Variants in KCNH5 observed in about 807,000 individuals in gnomAD.
KCNH5 encodes potassium voltage-gated channel subfamily H member 5, also known as voltage-gated delayed rectifier potassium channel KCNH5.
Under a neutral mutation model 96.1 loss-of-function variants are expected in KCNH5, and 46 were observed. That is an observed-to-expected ratio of 0.48 (90% CI 0.38 to 0.61). The LOEUF (loss-of-function observed/expected upper bound fraction) is 0.61, where lower values mean the gene tolerates loss of function less well. Among genes scored for constraint, KCNH5 ranks in the 20% least tolerant of loss-of-function variants. The pLI, the probability that KCNH5 is intolerant of heterozygous loss-of-function variation, is 0.00. For missense variants in KCNH5, 907 were observed against 1,225.8 expected (o/e 0.74, Z 3.88); for synonymous variants, 439 against 449.8 (o/e 0.98, Z 0.30).
intron 7 of KCNH5, among the ~76,000 whole-genome samples, chr14:62,922,489 A>G (rs113532878): frequency 8.0e-4 from 122 of 152,134 alleles, no homozygotes; most frequent in African/African-American, 2.9e-3. Context: ...GCACATTTTC[A>G]ACATGTTAAG....
chr14:62,757,246 C>T (rs1885643019), intron 10 of KCNH5, among the ~76,000 whole-genome samples: 1 of 152,146 alleles, frequency 6.6e-6, no homozygotes, highest in Non-Finnish European at 1.5e-5. Flanking sequence ...ATGCAATATC[C>T]TATCACCCCA....
At position 63,006,397 on chromosome 14, in the gene KCNH5, G is replaced by A; in HGVS notation, c.273C>T (p.Asn91=). ...TCTTGTACAGAAGAACTTCAAAGCA[G>A]TTTGATTCGTAGTTGTCAAAAGTTT... ...VRQTFDNYES[N]CFEVLLYKKN... is the part of the protein sequence containing the mutation. Residue 91 remains asparagine, a synonymous_variant, in exon 3 of 11, where the codon AAC becomes AAT. Transcript: ENST00000322893. The A allele has an allele frequency of 6.2e-7, 1 of 1,612,094 alleles. No individual in the cohort carries two copies. The highest frequency in any genetic ancestry group is 8.5e-7 in the Non-Finnish European group (1 of 1,178,604).
Position 63,045,401 on chromosome 14 carries a change from T to C in KCNH5, c.-215A>G, listed in dbSNP as rs957323010. 11 of 565,516 alleles carry C rather than the reference T, an allele frequency of 1.9e-5. No individual in the cohort carries two copies. In the African/African-American group the frequency reaches 2.1e-4, roughly 11 times the overall value. The allele number at this position is 565,516 out of a possible 1,614,324, so 35.0% of individuals were successfully genotyped here. Reference sequence around the variant, plus strand: ...ACCAGGCAGTTCATGGTAGTAGCGCTCCCCCGGCCGCCGCTGCCCAGACTG... The same window carrying C: ...ACCAGGCAGTTCATGGTAGTAGCGCCCCCCCGGCCGCCGCTGCCCAGACTG... On this transcript the variant is annotated 5_prime_UTR_variant, in exon 1 of 11. Coordinates refer to ENST00000322893, the MANE Select transcript of KCNH5 (RefSeq NM_139318.5).
At chr14:63,022,318 C>T (rs1420234475) in intron 1 of KCNH5, among the ~76,000 whole-genome samples, 1 of 152,126 alleles carries the variant, frequency 6.6e-6, no homozygotes, top group Admixed American at 6.6e-5. Context: ...TCTTCATCTC[C>T]ATGATCATCA....
intron 6 of KCNH5, among the ~76,000 whole-genome samples, chr14:62,950,907 G>C (rs1209850229): frequency 2.6e-5 from 4 of 152,160 alleles, no homozygotes; most frequent in Non-Finnish European, 5.9e-5. Context: ...ACAAATAGGA[G>C]TGTTGAATTC....
rs550971012 is a variant in KCNH5, at chr14:62,810,625, C to T, written c.1570-8044G>A. Among the ~76,000 whole-genome samples the T allele has an allele frequency of 5.3e-5, 8 of 152,198 alleles. No individual in the cohort carries two copies. In the East Asian group the frequency reaches 1.5e-3, roughly 29 times the overall value. On this transcript the variant is annotated intron_variant, in intron 8 of 10. Coordinates refer to ENST00000322893, the MANE Select transcript of KCNH5 (RefSeq NM_139318.5). ...TGACCTCTGATCATCCTCACTACTACACTCCCATCAGTGCCATGACAGTTT... is the reference window on the plus strand; with the variant it reads ...TGACCTCTGATCATCCTCACTACTATACTCCCATCAGTGCCATGACAGTTT...
At chr14:62,878,196 G>T in intron 7 of KCNH5, among the ~76,000 whole-genome samples, 1 of 97,002 alleles carries the variant, frequency 1.0e-5, no homozygotes, top group Non-Finnish European at 2.2e-5. Flanking sequence ...GGACTGTTGT[G>T]GGGATGGGGG....
chr14:62,878,053 G>A (rs2140073155), intron 7 of KCNH5, among the ~76,000 whole-genome samples: 1 of 152,154 alleles, frequency 6.6e-6, no homozygotes, highest in East Asian at 1.9e-4. Context: ...TAGGGACATG[G>A]ATGAAATTGG....
intron 7 of KCNH5, among the ~76,000 whole-genome samples, chr14:62,857,693 T>C (rs1244107689): frequency 2.0e-5 from 3 of 152,158 alleles, no homozygotes; most frequent in Non-Finnish European, 4.4e-5. Flanking sequence ...TTTTATATTC[T>C]AGCTGCACTG....
At chr14:62,871,414 A>G (rs186098620) in intron 7 of KCNH5, among the ~76,000 whole-genome samples, 25 of 152,336 alleles carry the variant, frequency 1.6e-4, no homozygotes, top group African/African-American at 5.3e-4. Context: ...CTCCAACATC[A>G]TAACAGCTAA....
intron 10 of KCNH5, among the ~76,000 whole-genome samples, chr14:62,720,990 C>A (rs368105210): frequency 2.0e-5 from 3 of 152,196 alleles, no homozygotes; most frequent in South Asian, 2.1e-4. Flanking sequence ...GTGATGACTG[C>A]GGACTGGTCT....
At chr14:62,923,988 T>C (rs1043865127) in intron 7 of KCNH5, among the ~76,000 whole-genome samples, 4 of 151,798 alleles carry the variant, frequency 2.6e-5, no homozygotes, top group East Asian at 1.9e-4. Context: ...TCAAACAAAA[T>C]AGTTTCTGCA....
intron 7 of KCNH5, among the ~76,000 whole-genome samples, chr14:62,924,993 T>TG (rs1158978789): frequency 6.6e-6 from 1 of 151,966 alleles, no homozygotes; most frequent in Admixed American, 6.6e-5. Context: ...AACTGTGAGG[T>TG]GGTGGATATG....
At chr14:62,757,738 G>A (rs892684193) in intron 10 of KCNH5, among the ~76,000 whole-genome samples, 1 of 152,188 alleles carries the variant, frequency 6.6e-6, no homozygotes. Flanking sequence ...ATTTGTGGGA[G>A]CTGAAAGTTA....
At chr14:62,916,573 G>A (rs971575942) in intron 7 of KCNH5, among the ~76,000 whole-genome samples, 10 of 152,146 alleles carry the variant, frequency 6.6e-5, no homozygotes, top group Admixed American at 1.3e-4. Context: ...TGCCATTGAC[G>A]TGCCTTCTCT....
chr14:62,843,631 C>T (rs10135965), intron 8 of KCNH5, among the ~76,000 whole-genome samples: 15,226 of 151,846 alleles, frequency 0.1, 1,051 homozygotes, highest in East Asian at 0.29. Context: ...AGGATGGTCT[C>T]GATCTCCTCA....
chr14:62,996,073 G>C (rs1367531024), intron 4 of KCNH5, among the ~76,000 whole-genome samples: 1 of 152,116 alleles, frequency 6.6e-6, no homozygotes, highest in African/African-American at 2.4e-5. Flanking sequence ...GTGTTATCAT[G>C]TCATCGCACC....
chr14:62,848,570 G>A (rs774287827), intron 8 of KCNH5, among the ~76,000 whole-genome samples: 10 of 151,980 alleles, frequency 6.6e-5, no homozygotes, highest in African/African-American at 1.2e-4. Flanking sequence ...TAAGTTCCTC[G>A]TCCATTCCCT....
chr14:62,858,172 T>C (rs897446486), intron 7 of KCNH5, among the ~76,000 whole-genome samples: 1 of 152,220 alleles, frequency 6.6e-6, no homozygotes, highest in Non-Finnish European at 1.5e-5. Flanking sequence ...ACAGCCCTCA[T>C]TTCTGCAGCT....
Sources: gnomAD v4.1 joint callset for allele counts (sites outside exome capture counted in the v4.1 genomes callset) on GRCh38, gnomAD v4.1.1 for gene constraint, MANE v1.5 for transcripts, NCBI Gene and HGNC (gene_info 2026-07-23, HGNC 2026-07-21) for gene names.